The following CDH4 variants were observed in gnomAD, a reference collection of about 807,000 sequenced individuals.
CDH4 encodes cadherin 4.
Under a neutral mutation model 86.0 loss-of-function variants are expected in CDH4, and 33 were observed. The observed-to-expected ratio is 0.38, with a 90% CI of 0.29 to 0.51. The LOEUF (loss-of-function observed/expected upper bound fraction) is 0.51, where lower values mean the gene tolerates loss of function less well. Among genes scored for constraint, CDH4 ranks in the 20% least tolerant of loss-of-function variants. The pLI, the probability that CDH4 is intolerant of heterozygous loss-of-function variation, is 0.86. For synonymous variants in CDH4, 555 were observed against 549.4 expected (o/e 1.01, Z -0.14); for missense variants, 1,114 against 1,307.4 (o/e 0.85, Z 2.28).
intron 6 of CDH4, among the ~76,000 whole-genome samples, chr20:61,859,636 C>A (rs954027777): frequency 5.9e-5 from 9 of 152,220 alleles, no homozygotes; most frequent in Non-Finnish European, 8.8e-5. Flanking sequence ...ACTGCCCCAG[C>A]GCCATACATT....
chr20:61,451,849 TGAG>T (rs2085382709), intron 2 of CDH4, among the ~76,000 whole-genome samples: 1 of 152,166 alleles, frequency 6.6e-6, no homozygotes, highest in Non-Finnish European at 1.5e-5. Context: ...ACAACATAAA[TGAG>T]GAGGGATGTA....
chr20:61,393,342 C>CG lies in CDH4; in HGVS notation c.169+138413dup, dbSNP rs11480125. Among the ~76,000 whole-genome samples the CG allele has an allele frequency of 0.082, 12,409 of 151,290 alleles. 716 individuals carry two copies. Among genetic ancestry groups the CG allele is most frequent in the East Asian group, 0.27 (1,372 of 5,088 alleles). ...TTCCAGTGGTGTGGGGGACAGCAGC[C>CG]GGGGGGGGCCGGGGTCTTCCTTACC... is the stretch of plus-strand genomic sequence containing the variant. On this transcript the variant is annotated intron_variant, in intron 2 of 15. Transcript: ENST00000614565. This position sits in a 1 kb window ranked among gnomAD's most constrained non-coding sequence, Gnocchi z 4.3.
rs529004147 is a variant in CDH4 at position 61,516,562 on chromosome 20, C to T, written c.170-227001C>T. ...ACTACATCTGCCTCAGACCTGCCCC[C>T]CTGAGTCACAGCATCACAGAAAACA... On this transcript the variant is annotated intron_variant, in intron 2 of 15. Transcript: ENST00000614565. This position sits in a 1 kb window ranked among gnomAD's most constrained non-coding sequence, Gnocchi z 4.0. Among the ~76,000 whole-genome samples, 1 of 152,298 alleles carries T rather than the reference C, an allele frequency of 6.6e-6. No individual in the cohort carries two copies. The highest frequency in any genetic ancestry group is 6.5e-5 in the Admixed American group (1 of 15,306).
chr20:61,424,331 C>T (rs573480253), intron 2 of CDH4, among the ~76,000 whole-genome samples: 1 of 151,520 alleles, frequency 6.6e-6, no homozygotes, highest in South Asian at 2.1e-4. Context: ...ATACAACACA[C>T]ATGTATCCAA....
At chr20:61,514,968 G>C (rs2085807779) in intron 2 of CDH4, among the ~76,000 whole-genome samples, 1 of 152,190 alleles carries the variant, frequency 6.6e-6, no homozygotes, top group Admixed American at 6.5e-5. Flanking sequence ...CTGGCATTGG[G>C]GCGGGGGCGG....
At chr20:61,505,724 G>A (rs945843346) in intron 2 of CDH4, among the ~76,000 whole-genome samples, 2 of 145,496 alleles carry the variant, frequency 1.4e-5, no homozygotes, top group African/African-American at 4.9e-5. Flanking sequence ...CTGCAAGTTG[G>A]CGGGAAAAAA....
At position 61,909,305 on chromosome 20, in the gene CDH4, G is replaced by A. The variant is rs117790333; in HGVS notation, c.1189-1117G>A. 4.2e-3 allele frequency among the ~76,000 whole-genome samples: 645 copies of A among 152,276 alleles called. 16 individuals are homozygous for A. The highest frequency in any genetic ancestry group is 0.04 in the South Asian group (191 of 4,820). On this transcript the variant is annotated intron_variant, in intron 8 of 15. Transcript: ENST00000614565. ...CGCTGCTCAGCCATCTCAGCTGCACGCAGCAACACAAAGGAATCCCAGAGC... is the reference window on the plus strand; with the variant it reads ...CGCTGCTCAGCCATCTCAGCTGCACACAGCAACACAAAGGAATCCCAGAGC...
At chr20:61,427,179 C>G (rs2085219622) in intron 2 of CDH4, among the ~76,000 whole-genome samples, 1 of 152,222 alleles carries the variant, frequency 6.6e-6, no homozygotes, top group Non-Finnish European at 1.5e-5. Flanking sequence ...CCGTTGAGCC[C>G]TTCCTCACGG....
intron 9 of CDH4, among the ~76,000 whole-genome samples, chr20:61,920,909 GTGGTGTCGTGGTGATTGCATGGAAGCA>G (rs2054973420): frequency 2.0e-5 from 3 of 151,416 alleles, no homozygotes; most frequent in Admixed American, 2.0e-4. Context: ...GCATGGAAGC[GTGGTGTCGTGGTGATTGCATGGAAGCA>G]TGGTGTCACA....
intron 2 of CDH4, among the ~76,000 whole-genome samples, chr20:61,400,150 C>T (rs2085041910): frequency 1.3e-5 from 2 of 152,188 alleles, no homozygotes; most frequent in Non-Finnish European, 2.9e-5. Flanking sequence ...GCTCTGATGG[C>T]AACACAGAGG....
At chr20:61,843,272 A>T (rs1020162690) in intron 4 of CDH4, among the ~76,000 whole-genome samples, 4 of 151,216 alleles carry the variant, frequency 2.6e-5, no homozygotes, top group African/African-American at 9.7e-5. Context: ...AACAAGGTGA[A>T]ACCCCGTCTC....
chr20:61,844,869 C>T (rs954732160), intron 5 of CDH4, 46 bp downstream of exon 5: 1 of 1,567,704 alleles, frequency 6.4e-7, no homozygotes, highest in South Asian at 1.2e-5. Flanking sequence ...GGGTGGCGAT[C>T]CCAGCCCTAC....
chr20:61,727,030 A>G (rs964650539), intron 2 of CDH4, among the ~76,000 whole-genome samples: 1 of 151,992 alleles, frequency 6.6e-6, no homozygotes, highest in Non-Finnish European at 1.5e-5. Flanking sequence ...TGGTGCTGCC[A>G]TCATCACCAT....
chr20:61,287,080 T>C (rs2084297057), intron 2 of CDH4, among the ~76,000 whole-genome samples: 1 of 152,202 alleles, frequency 6.6e-6, no homozygotes, highest in Non-Finnish European at 1.5e-5. Flanking sequence ...GCCCTGCTCC[T>C]TGGCCCTGAA....
In CDH4 at chr20:61,793,760, A is replaced by G. The variant is rs184109679; in HGVS notation, c.576+20578A>G. Among the ~76,000 whole-genome samples, 561 of 149,894 alleles carry G rather than the reference A, an allele frequency of 3.7e-3. 3 individuals carry two copies. The highest frequency in any genetic ancestry group is 5.3e-3 in the Admixed American group (79 of 14,950). ...GAGGCTGAGGCAGAGAATTGCTTGAACCCGGGAGGTGGAGGTTGCAGTGAG... is the reference window on the plus strand; with the variant it reads ...GAGGCTGAGGCAGAGAATTGCTTGAGCCCGGGAGGTGGAGGTTGCAGTGAG... On this transcript the variant is annotated intron_variant, in intron 4 of 15. Transcript: ENST00000614565.
At chr20:61,633,765 GC>G in intron 2 of CDH4, among the ~76,000 whole-genome samples, 1 of 152,224 alleles carries the variant, frequency 6.6e-6, no homozygotes, top group Non-Finnish European at 1.5e-5. Context: ...TCAATGTGAT[GC>G]CCCTGCACAG....
chr20:61,393,087 A>G lies in CDH4; in HGVS notation c.169+138150A>G, dbSNP rs1307392314. Among the ~76,000 whole-genome samples the G allele has an allele frequency of 2.0e-5, 3 of 152,046 alleles. No individual in the cohort carries two copies. The highest frequency in any genetic ancestry group is 3.9e-4 in the East Asian group (2 of 5,172). On this transcript the variant is annotated intron_variant, in intron 2 of 15. Coordinates refer to ENST00000614565, the MANE Select transcript of CDH4 (RefSeq NM_001794.5). This position sits in a 1 kb window ranked among gnomAD's most constrained non-coding sequence, Gnocchi z 4.3. Reference sequence around the variant, plus strand: ...TTATTTTCCTCCTAATTTCTTACTGAATTGATTCCCACTGAATCTCTGTAG... The same window carrying G: ...TTATTTTCCTCCTAATTTCTTACTGGATTGATTCCCACTGAATCTCTGTAG...
intron 4 of CDH4, among the ~76,000 whole-genome samples, chr20:61,785,512 A>T (rs1343977271): frequency 6.6e-6 from 1 of 152,148 alleles, no homozygotes; most frequent in African/African-American, 2.4e-5. Context: ...GTCAGGTAGG[A>T]TCGTCTGGTG....
At chr20:61,362,781 G>C (rs1274893674) in intron 2 of CDH4, among the ~76,000 whole-genome samples, 2 of 152,076 alleles carry the variant, frequency 1.3e-5, no homozygotes, top group Admixed American at 6.6e-5. Flanking sequence ...GAAGGAAGGA[G>C]GTGGCGAGAG....
Sources: allele counts gnomAD v4.1 joint callset (sites outside exome capture counted in the v4.1 genomes callset), GRCh38; gene constraint gnomAD v4.1.1; non-coding constraint Gnocchi (gnomAD v3.1); transcripts MANE v1.5; gene names NCBI Gene and HGNC (gene_info 2026-07-23, HGNC 2026-07-21).